Variants in NR3C2 observed in about 807,000 individuals in gnomAD.
NR3C2 encodes the protein mineralocorticoid receptor.
In NR3C2, 15 loss-of-function variants were observed where a neutral mutation model predicts 86.4. The ratio of observed to expected loss-of-function variants is 0.17; its 90% CI spans 0.12 to 0.27. The LOEUF (loss-of-function observed/expected upper bound fraction) is 0.27, where lower values mean the gene tolerates loss of function less well. Ranked by LOEUF, NR3C2 falls within the 10% of genes least tolerant of loss-of-function variation. NR3C2 has a pLI of 1.00. For synonymous variants in NR3C2, 458 were observed against 450.5 expected, an observed-to-expected ratio of 1.02 and a Z score of -0.21; for missense variants, 960 against 1,195.6, an observed-to-expected ratio of 0.80 and a Z score of 2.91.
chr4:148,339,366 T>G (rs17484622), intron 2 of NR3C2, among the ~76,000 whole-genome samples: 43,730 of 152,026 alleles, frequency 0.29, 7,039 homozygotes, highest in Middle Eastern at 0.43. Context: ...GCAGGATGAG[T>G]AGGCAACTCT....
intron 2 of NR3C2, among the ~76,000 whole-genome samples, chr4:148,394,184 C>A (rs116273992): frequency 4.9e-4 from 75 of 152,276 alleles, no homozygotes; most frequent in African/African-American, 1.7e-3. Context: ...CCCAGTGAAG[C>A]CATCAGAGGA....
intron 2 of NR3C2, among the ~76,000 whole-genome samples, chr4:148,311,656 C>T (rs1378081676): frequency 6.6e-6 from 1 of 152,168 alleles, no homozygotes; most frequent in Non-Finnish European, 1.5e-5. Context: ...GAGTCAGATG[C>T]CATTCATTTG....
chr4:148,347,961 G>GA (rs1745080847), intron 2 of NR3C2, among the ~76,000 whole-genome samples: 2 of 152,018 alleles, frequency 1.3e-5, no homozygotes, highest in Non-Finnish European at 2.9e-5. Context: ...TTTTACAGAT[G>GA]AAAAAATCAA....
intron 5 of NR3C2, 74 bp from the exon 6 acceptor site, chr4:148,152,687 C>A (rs905950066): frequency 1.4e-6 from 2 of 1,402,358 alleles, no homozygotes; most frequent in Non-Finnish European, 2.0e-6. Flanking sequence ...CTTCTTAAGT[C>A]AACCCCAAAC....
chr4:148,360,662 G>A (rs1298793898), intron 2 of NR3C2, among the ~76,000 whole-genome samples: 1 of 152,120 alleles, frequency 6.6e-6, no homozygotes, highest in African/African-American at 2.4e-5. Context: ...ATCATAATTT[G>A]AATCAGTTTG....
intron 8 of NR3C2, among the ~76,000 whole-genome samples, chr4:148,104,342 G>GTTTTTTTTTTTTTTTTTTTTTTT (rs57175085): frequency 1.6e-5 from 1 of 63,794 alleles, no homozygotes. Flanking sequence ...TTTTGGTTTG[G>GTTTTTTTTTTTTTTTTTTTTTTT]TTTTTTTTTT....
At chr4:148,229,397 T>C (rs1031582498) in intron 3 of NR3C2, among the ~76,000 whole-genome samples, 5 of 152,208 alleles carry the variant, frequency 3.3e-5, no homozygotes, top group African/African-American at 7.2e-5. Context: ...TATTTCCTCA[T>C]GTCTATTTTT....
At chr4:148,200,335 A>C (rs1183169241) in intron 3 of NR3C2, among the ~76,000 whole-genome samples, 2 of 152,086 alleles carry the variant, frequency 1.3e-5, no homozygotes, top group Non-Finnish European at 2.9e-5. Flanking sequence ...TCACTAATCA[A>C]ATGCCACATC....
chr4:148,275,796 C>T (rs1422199538), intron 2 of NR3C2, among the ~76,000 whole-genome samples: 1 of 152,078 alleles, frequency 6.6e-6, no homozygotes, highest in African/African-American at 2.4e-5. Context: ...TTATCATATG[C>T]TATACAACCA....
chr4:148,391,885 A>G (rs1015708972), intron 2 of NR3C2, among the ~76,000 whole-genome samples: 1 of 151,534 alleles, frequency 6.6e-6, no homozygotes, highest in Non-Finnish European at 1.5e-5. Context: ...AAAAAAAAGA[A>G]AGTCAAATGT....
At chr4:148,142,801 C>T (rs544831011) in intron 6 of NR3C2, among the ~76,000 whole-genome samples, 2 of 152,266 alleles carry the variant, frequency 1.3e-5, no homozygotes, top group East Asian at 1.9e-4. Flanking sequence ...TGCCCAGCCT[C>T]GGGGTGGATT....
At chr4:148,163,718 A>AAAAT (rs1371585661) in intron 4 of NR3C2, among the ~76,000 whole-genome samples, 1 of 151,982 alleles carries the variant, frequency 6.6e-6, no homozygotes, top group Non-Finnish European at 1.5e-5. Flanking sequence ...ATTAGTGGAG[A>AAAAT]AAATAGTAAA....
At chr4:148,156,710 C>T (rs1028954138) in intron 4 of NR3C2, among the ~76,000 whole-genome samples, 7 of 152,060 alleles carry the variant, frequency 4.6e-5, no homozygotes, top group African/African-American at 1.7e-4. Context: ...GTTGGTGGGA[C>T]TGTAAACTAG....
chr4:148,354,302 T>C (rs954068506), intron 2 of NR3C2, among the ~76,000 whole-genome samples: 1 of 152,136 alleles, frequency 6.6e-6, no homozygotes, highest in African/African-American at 2.4e-5. Flanking sequence ...GTATATTATA[T>C]ATAAACATAT....
intron 2 of NR3C2, among the ~76,000 whole-genome samples, chr4:148,419,926 T>A (rs918732198): frequency 1.1e-4 from 17 of 152,218 alleles, no homozygotes; most frequent in African/African-American, 2.7e-4. Context: ...AATTAATCAA[T>A]GACTGTATGA....
chr4:148,417,059 G>A (rs1749049038), intron 2 of NR3C2, among the ~76,000 whole-genome samples: 1 of 152,158 alleles, frequency 6.6e-6, no homozygotes, highest in Admixed American at 6.5e-5. Flanking sequence ...TTACAGGCGT[G>A]AGCCACCGCA....
intron 2 of NR3C2, among the ~76,000 whole-genome samples, chr4:148,291,337 A>T (rs1741787967): frequency 1.3e-5 from 2 of 152,102 alleles, no homozygotes; most frequent in Non-Finnish European, 2.9e-5. Context: ...TATGAATGAC[A>T]TCACAAATTT....
chr4:148,298,367 T>C (rs1742166562), intron 2 of NR3C2, among the ~76,000 whole-genome samples: 1 of 152,000 alleles, frequency 6.6e-6, no homozygotes, highest in African/African-American at 2.4e-5. Context: ...CCCTGAACAG[T>C]GATGGCTGCC....
At chr4:148,234,618 G>C (rs1416220782) in intron 3 of NR3C2, among the ~76,000 whole-genome samples, 3 of 151,340 alleles carry the variant, frequency 2.0e-5, no homozygotes, top group East Asian at 1.9e-4. Flanking sequence ...AGGAAGCAGA[G>C]GTTGCAGTGA....
Sources: allele counts gnomAD v4.1 joint callset (sites outside exome capture counted in the v4.1 genomes callset), GRCh38; gene constraint gnomAD v4.1.1; transcripts MANE v1.5; gene names NCBI Gene and HGNC (gene_info 2026-07-23, HGNC 2026-07-21).